Variants in DCDC1 observed in about 807,000 individuals in gnomAD.
The protein encoded by DCDC1 is doublecortin domain-containing protein 1.
Under a neutral mutation model 178.3 loss-of-function variants are expected in DCDC1, and 200 were observed. The observed-to-expected ratio is 1.12, with a 90% CI of 1.00 to 1.26. The LOEUF (loss-of-function observed/expected upper bound fraction) is 1.26, where lower values mean the gene tolerates loss of function less well. Ranked by LOEUF, DCDC1 falls within the 50% of genes most tolerant of loss-of-function variation. The pLI, the probability that DCDC1 is intolerant of heterozygous loss-of-function variation, is 0.00. For synonymous variants in DCDC1, 690 were observed against 604.8 expected, an observed-to-expected ratio of 1.14 and a Z score of -2.07; for missense variants, 1,983 against 1,749.2, an observed-to-expected ratio of 1.13 and a Z score of -2.38.
intron 6 of DCDC1, among the ~76,000 whole-genome samples, chr11:31,304,266 G>A (rs541865012): frequency 1.3e-5 from 2 of 152,078 alleles, no homozygotes; most frequent in South Asian, 4.2e-4. Context: ...TCATATGAAA[G>A]GCAAGCATTT....
chr11:31,181,151 G>A (rs929817275), intron 9 of DCDC1, among the ~76,000 whole-genome samples: 3 of 152,318 alleles, frequency 2.0e-5, no homozygotes, highest in African/African-American at 7.2e-5. Flanking sequence ...ACGGTGGCCA[G>A]ATTGCCTCCC....
chr11:31,205,377 A>C (rs571385848), intron 9 of DCDC1, among the ~76,000 whole-genome samples: 1 of 152,316 alleles, frequency 6.6e-6, no homozygotes, highest in African/African-American at 2.4e-5. Flanking sequence ...AATATGACAA[A>C]ATGTTGCCTA....
intron 9 of DCDC1, among the ~76,000 whole-genome samples, chr11:31,180,428 C>T (rs1021062671): frequency 1.3e-5 from 2 of 152,152 alleles, no homozygotes; most frequent in African/African-American, 4.8e-5. Context: ...CGAATAGGAA[C>T]AGCTCCGGTC....
chr11:31,186,134 T>C (rs1969451322), intron 9 of DCDC1, among the ~76,000 whole-genome samples: 1 of 152,050 alleles, frequency 6.6e-6, no homozygotes. Context: ...TCCACTACAC[T>C]TACAATAAAA....
At chr11:30,995,605 G>A (rs1734133163) in intron 20 of DCDC1, among the ~76,000 whole-genome samples, 1 of 152,066 alleles carries the variant, frequency 6.6e-6, no homozygotes, top group African/African-American at 2.4e-5. Context: ...TAGGCCCACA[G>A]AAACATAGTC....
chr11:31,322,022 C>G (rs1002759594), intron 3 of DCDC1, among the ~76,000 whole-genome samples: 1 of 152,174 alleles, frequency 6.6e-6, no homozygotes, highest in Non-Finnish European at 1.5e-5. Context: ...CATAGTTATT[C>G]CTTATTCTAA....
intron 9 of DCDC1, among the ~76,000 whole-genome samples, chr11:31,213,118 T>TCC (rs1565442030): frequency 3.5e-5 from 4 of 113,800 alleles, no homozygotes; most frequent in African/African-American, 7.4e-5. Context: ...TCTCTCTCTC[T>TCC]CTCTCTCTCT....
chr11:31,005,415 A>G (rs1379686626), intron 20 of DCDC1, among the ~76,000 whole-genome samples: 1 of 152,174 alleles, frequency 6.6e-6, no homozygotes, highest in East Asian at 1.9e-4. Flanking sequence ...GCAGTGAACC[A>G]CAGAGCTCTA....
intron 9 of DCDC1, among the ~76,000 whole-genome samples, chr11:31,238,802 A>T (rs1305964457): frequency 1.3e-5 from 2 of 152,128 alleles, no homozygotes; most frequent in Admixed American, 1.3e-4. Flanking sequence ...TGTATGTCTA[A>T]GTGACTTTGT....
chr11:31,162,658 G>T (rs1966414069), intron 9 of DCDC1, among the ~76,000 whole-genome samples: 1 of 151,982 alleles, frequency 6.6e-6, no homozygotes, highest in African/African-American at 2.4e-5. Context: ...GTGTATTGGG[G>T]CTTATTTAAA....
intron 38 of DCDC1, among the ~76,000 whole-genome samples, chr11:30,875,472 A>C (rs1942030893): frequency 6.6e-6 from 1 of 152,032 alleles, no homozygotes; most frequent in Non-Finnish European, 1.5e-5. Context: ...AGAATAACGC[A>C]GATTTGTGTG....
intron 18 of DCDC1, among the ~76,000 whole-genome samples, chr11:31,070,204 G>T (rs1239457702): frequency 6.6e-6 from 1 of 152,076 alleles, no homozygotes; most frequent in Non-Finnish European, 1.5e-5. Flanking sequence ...GACCTCCAAT[G>T]AGGCACCCAC....
At chr11:31,166,297 T>G (rs1303349552) in intron 9 of DCDC1, among the ~76,000 whole-genome samples, 2 of 152,204 alleles carry the variant, frequency 1.3e-5, no homozygotes, top group Non-Finnish European at 2.9e-5. Context: ...GAAAGCTATT[T>G]AAAAACCATT....
chr11:31,170,911 C>A (rs1233813217), intron 9 of DCDC1, among the ~76,000 whole-genome samples: 1 of 152,036 alleles, frequency 6.6e-6, no homozygotes, highest in Non-Finnish European at 1.5e-5. Context: ...CTCACCGCAA[C>A]CTTGCCTCCC....
At chr11:31,310,140 A>G (rs915543745) in intron 3 of DCDC1, among the ~76,000 whole-genome samples, 2 of 152,012 alleles carry the variant, frequency 1.3e-5, no homozygotes, top group African/African-American at 4.8e-5. Flanking sequence ...ATATGGTTCA[A>G]CTATATATTT....
Position 30,903,533 on chromosome 11 carries a change from G to T in DCDC1, c.4459C>A (p.Gln1487Lys). 6.2e-7 allele frequency: 1 copy of T among 1,605,960 alleles called. No homozygotes were observed. ...FLQRDSEKQK[Q>K]DAAPVGKEQI... Reference sequence around the variant, plus strand: ...TCTTTTCCAACAGGAGCTGCATCTTGCTTTTGTTTCTCAGAGTCTCTCTGG... The same window carrying T: ...TCTTTTCCAACAGGAGCTGCATCTTTCTTTTGTTTCTCAGAGTCTCTCTGG... Residue 1487 changes from glutamine to lysine, a missense_variant, in exon 32 of 39, where the codon CAA becomes AAA. Gln to Lys is a moderately conservative substitution (Grantham distance 53). Coordinates refer to ENST00000684477, the MANE Select transcript of DCDC1 (RefSeq NM_001387274.1).
chr11:30,945,452 G>A (rs1046048176), intron 21 of DCDC1, among the ~76,000 whole-genome samples: 2 of 151,854 alleles, frequency 1.3e-5, no homozygotes, highest in African/African-American at 4.8e-5. Context: ...CTAGCACTTT[G>A]GGAAGCCGAG....
chr11:31,176,523 A>G (rs1387343921), intron 9 of DCDC1, among the ~76,000 whole-genome samples: 3 of 152,218 alleles, frequency 2.0e-5, no homozygotes, highest in Non-Finnish European at 2.9e-5. Context: ...TGAGAGAGAT[A>G]TGAACATCTA....
intron 20 of DCDC1, among the ~76,000 whole-genome samples, chr11:31,016,151 G>T (rs1020363378): frequency 6.6e-6 from 1 of 152,062 alleles, no homozygotes; most frequent in Non-Finnish European, 1.5e-5. Context: ...CATAAAATGG[G>T]AATAATAATA....
Sources: gnomAD v4.1 joint callset for allele counts (sites outside exome capture counted in the v4.1 genomes callset) on GRCh38, gnomAD v4.1.1 for gene constraint, MANE v1.5 for transcripts, NCBI Gene and HGNC (gene_info 2026-07-23, HGNC 2026-07-21) for gene names.